UBR4: variants seen among roughly 807,000 people sequenced by gnomAD.
The protein encoded by UBR4 is E3 ubiquitin-protein ligase UBR4.
In UBR4, 124 loss-of-function variants were observed where a neutral mutation model predicts 575.6. The observed-to-expected ratio is 0.22, with a 90% CI of 0.19 to 0.25. The LOEUF (loss-of-function observed/expected upper bound fraction) is 0.25. UBR4 is among the 10% of genes least tolerant of loss of function. The pLI, the probability that UBR4 is intolerant of heterozygous loss-of-function variation, is 1.00. For missense variants in UBR4, 4,818 were observed against 6,478.8 expected, an observed-to-expected ratio of 0.74 and a Z score of 8.80; for synonymous variants, 2,455 against 2,473.7, an observed-to-expected ratio of 0.99 and a Z score of 0.22.
chr1:19,087,796 C>A lies in UBR4; in HGVS notation c.14544+20G>T, dbSNP rs368197784. Reference sequence around the variant, plus strand: ...GTCAGGCTGGGCCCTCAGGACCGACCGTAGGCCCAGCAGCTGTACCTGGAA... The same window carrying A: ...GTCAGGCTGGGCCCTCAGGACCGACAGTAGGCCCAGCAGCTGTACCTGGAA... On this transcript the variant is annotated intron_variant, in intron 99 of 105. Transcript: ENST00000375254. The A allele has an allele frequency of 6.3e-7, 1 of 1,594,694 alleles. No individual in the cohort carries two copies. Among genetic ancestry groups the A allele is most frequent in the South Asian group, 1.1e-5 (1 of 89,240 alleles).
In UBR4 at chr1:19,167,248, G is replaced by A; in HGVS notation, c.3900-17C>T. The A allele has an allele frequency of 6.2e-7, 1 of 1,613,926 alleles. No homozygotes were observed. On this transcript the variant is annotated splice_polypyrimidine_tract_variant and intron_variant, in intron 28 of 105. Coordinates refer to ENST00000375254, the MANE Select transcript of UBR4 (RefSeq NM_020765.3). ...TCTGACCAACTTCAGCAAAGAAAAT[G>A]AAATCGAGTTAGTGAATACACTCCT...
intron 15 of UBR4, 106 bp downstream of exon 15, chr1:19,184,993 C>A: frequency 1.4e-6 from 2 of 1,380,036 alleles, no homozygotes; most frequent in Non-Finnish European, 2.0e-6. Context: ...TATCTTTAAA[C>A]ATTACAGTTA....
intron 89 of UBR4, 151 bp from the exon 90 acceptor site, chr1:19,099,828 C>A (rs1477482541): frequency 4.6e-6 from 3 of 654,840 alleles, no homozygotes; most frequent in Middle Eastern, 4.2e-4. Flanking sequence ...AAAATCCGCA[C>A]GTATGAAAAA....
At chr1:19,090,874 C>T (rs2077438822) in intron 97 of UBR4, among the ~76,000 whole-genome samples, 1 of 152,144 alleles carries the variant, frequency 6.6e-6, no homozygotes. Context: ...GGGAGCGGAT[C>T]ACCTGAGGTC....
intron 27 of UBR4, among the ~76,000 whole-genome samples, chr1:19,168,661 A>G (rs1417984647): frequency 6.6e-6 from 1 of 152,194 alleles, no homozygotes; most frequent in Non-Finnish European, 1.5e-5. Flanking sequence ...GGATATACAA[A>G]GAGTAAGTTA....
intron 17 of UBR4, among the ~76,000 whole-genome samples, chr1:19,180,019 C>T (rs951130239): frequency 2.0e-5 from 3 of 152,100 alleles, no homozygotes; most frequent in Non-Finnish European, 4.4e-5. Flanking sequence ...GAGCAGTTTC[C>T]GTGGACTACA....
Position 19,112,538 on chromosome 1 carries a change from C to A in UBR4, c.11787G>T (p.Met3929Ile). Residue 3929 changes from methionine (M) to isoleucine (I), a missense_variant, in exon 78 of 106, where the codon ATG becomes ATT. By Grantham distance (10) the Met-to-Ile change is conservative. Transcript: ENST00000375254. ...TAGGTACTGACCGAGTTAGGAGGCA[C>A]ATGAGCTGGCGGACCTCCTCCCGCA... ...AAMREEVRQL[M>I]CLLTRDNPEA... The A allele has an allele frequency of 1.2e-6, 2 of 1,611,240 alleles. No homozygotes were observed. The highest frequency in any genetic ancestry group is 1.7e-6 in the Non-Finnish European group (2 of 1,178,346).
Position 19,081,426 on chromosome 1 carries a change from T to C in UBR4, c.15156A>G (p.Arg5052=). The C allele has an allele frequency of 1.9e-6, 3 of 1,613,918 alleles. No homozygotes were observed. The highest frequency in any genetic ancestry group is 1.7e-6 in the Non-Finnish European group (2 of 1,179,994). ...ALHILPPEQW[R]ATRVEILRRL... is the part of the protein sequence containing the mutation. ...TCCGCAAGATTTCCACACGTGTGGC[T>C]CTCCACTGCTCAGGGGGCAGGATGT... The change falls in exon 103 of 106, where the codon AGA becomes AGG. Residue 5052 remains arginine (R), a synonymous_variant. Coordinates refer to ENST00000375254, the MANE Select transcript of UBR4 (RefSeq NM_020765.3).
chr1:19,089,597 A>G lies in UBR4; in HGVS notation c.14212-620T>C, dbSNP rs1483100703. Reference sequence around the variant, plus strand: ...CACTACGTATAGCGCTATGTGATAAACGGGGGTGGAGAACATCAGAAGGCT... The same window carrying G: ...CACTACGTATAGCGCTATGTGATAAGCGGGGGTGGAGAACATCAGAAGGCT... On this transcript the variant is annotated intron_variant, in intron 97 of 105. Transcript: ENST00000375254. The surrounding 1 kb of genome is among the most constrained non-coding windows in gnomAD (Gnocchi z 4.3). Among the ~76,000 whole-genome samples, 3 of 152,228 alleles carry G rather than the reference A, an allele frequency of 2.0e-5. No homozygotes were observed. The highest frequency in any genetic ancestry group is 7.2e-5 in the African/African-American group (3 of 41,472).
At position 19,173,112 on chromosome 1, in the gene UBR4, T is replaced by G. The variant is rs1247013222; in HGVS notation, c.3292-19A>C. 6.2e-7 allele frequency: 1 copy of G among 1,613,562 alleles called. No individual in the cohort carries two copies. The highest frequency in any genetic ancestry group is 2.2e-5 in the East Asian group (1 of 44,866). On this transcript the variant is annotated intron_variant, in intron 24 of 105. Transcript: ENST00000375254. ...ATGAGATCTTTAAAAATATGCAAAA[T>G]ATAATTAGCTGTGGCAATGGGCTAT...
chr1:19,179,891 G>A (rs1396076976), intron 17 of UBR4, among the ~76,000 whole-genome samples: 3 of 152,196 alleles, frequency 2.0e-5, no homozygotes, highest in Non-Finnish European at 4.4e-5. Flanking sequence ...ACAAAGCATG[G>A]TTACTGTGGG....
At chr1:19,106,805 G>C in intron 82 of UBR4, 32 bp downstream of exon 82, 1 of 1,607,660 alleles carries the variant, frequency 6.2e-7, no homozygotes, top group East Asian at 2.2e-5. Context: ...GCGCAGGCAG[G>C]ACTTCCCGGC....
Position 19,195,969 on chromosome 1 carries a change from T to TACACACACACACACACAC in UBR4, c.1018+1154_1018+1171dup, listed in dbSNP as rs55820713. ...GCCATAAAACCTACAGACTTACTTA[T>TACACACACACACACACAC]ACACACACACACACACACACACACA... On this transcript the variant is annotated intron_variant, in intron 8 of 105. Transcript: ENST00000375254. Among the ~76,000 whole-genome samples the TACACACACACACACACAC allele has an allele frequency of 1.2e-3, 161 of 134,128 alleles. 1 individual carries two copies. Among genetic ancestry groups the TACACACACACACACACAC allele is most frequent in the African/African-American group, 4.3e-3 (150 of 34,756 alleles). The allele number at this position is 134,128 out of a possible 152,430, so 88.0% of individuals were successfully genotyped here.
In UBR4 at chr1:19,093,981, C is replaced by T. The variant is rs1289622856; in HGVS notation, c.13905G>A (p.Val4635=). The T allele has an allele frequency of 6.2e-7, 1 of 1,613,888 alleles. No homozygotes were observed. Among genetic ancestry groups the T allele is most frequent in the African/African-American group, 1.3e-5 (1 of 74,914 alleles). ...FGEVEKMQIL[V]ERFKPYCNFD... Reference sequence around the variant, plus strand: ...AGTTGCAGTATGGTTTGAATCGCTCCACCAAGATCTGCATTTTCTCCACCT... The same window carrying T: ...AGTTGCAGTATGGTTTGAATCGCTCTACCAAGATCTGCATTTTCTCCACCT... Residue 4635 remains valine (V), a synonymous_variant, in exon 95 of 106, where the codon GTG becomes GTA. Transcript: ENST00000375254. The surrounding 1 kb of genome is among the most constrained non-coding windows in gnomAD (Gnocchi z 4.8).
chr1:19,106,058 T>C (rs1008324103), intron 83 of UBR4, among the ~76,000 whole-genome samples: 3 of 152,142 alleles, frequency 2.0e-5, no homozygotes, highest in Non-Finnish European at 2.9e-5. Flanking sequence ...CCTGGAGACT[T>C]CTCCATCAGG....
intron 83 of UBR4, 97 bp from the exon 84 acceptor site, chr1:19,105,939 G>GTGCCCAGAAGACC: frequency 2.5e-6 from 2 of 814,262 alleles, no homozygotes; most frequent in Non-Finnish European, 3.7e-6. Context: ...TCTAGGAGAG[G>GTGCCCAGAAGACC]TCTTCTGGGC....
At chr1:19,183,396 GA>G (rs2091203943) in intron 17 of UBR4, among the ~76,000 whole-genome samples, 1 of 152,166 alleles carries the variant, frequency 6.6e-6, no homozygotes, top group South Asian at 2.1e-4. Context: ...TCTTTCCAGG[GA>G]GGGGATTTAA....
chr1:19,163,603 C>T (rs2087766811), intron 34 of UBR4, among the ~76,000 whole-genome samples, 161 bp downstream of exon 34: 2 of 152,250 alleles, frequency 1.3e-5, no homozygotes, highest in African/African-American at 4.8e-5. Context: ...TAAAGGCACA[C>T]AGTTAGCAAC....
At chr1:19,176,835 G>A in intron 19 of UBR4, 108 bp from the exon 20 acceptor site, 12 of 1,240,090 alleles carry the variant, frequency 9.7e-6, no homozygotes, top group Non-Finnish European at 1.3e-5. Context: ...ATCTGAATGT[G>A]GGTGTTCTAC....
Sources: allele counts gnomAD v4.1 joint callset (sites outside exome capture counted in the v4.1 genomes callset), GRCh38; gene constraint gnomAD v4.1.1; non-coding constraint Gnocchi (gnomAD v3.1); transcripts MANE v1.5; gene names NCBI Gene and HGNC (gene_info 2026-07-23, HGNC 2026-07-21).